GNAS: variants seen among roughly 807,000 people sequenced by gnomAD.
GNAS encodes protein ALEX.
In GNAS, 8 loss-of-function variants were observed where a neutral mutation model predicts 54.5. That is an observed-to-expected ratio of 0.15 (90% CI 0.09 to 0.26). GNAS has a LOEUF of 0.26. Ranked by LOEUF, GNAS falls within the 10% of genes least tolerant of loss-of-function variation. The probability of loss-of-function intolerance (pLI) is 1.00; values close to 1 mark genes in which losing one functional copy is unlikely to be tolerated. For synonymous variants in GNAS, 204 were observed against 191.4 expected, an observed-to-expected ratio of 1.07 and a Z score of -0.54; for missense variants, 170 against 529.8, an observed-to-expected ratio of 0.32 and a Z score of 6.67.
chr20:58,855,012 G>T, intron 1 of GNAS: 1 of 1,612,844 alleles, frequency 6.2e-7, no homozygotes, highest in Non-Finnish European at 8.5e-7. Flanking sequence ...CGAGTCCGAC[G>T]ATGGGACCTC....
At position 58,841,369 on chromosome 20, in the gene GNAS, A is replaced by C. The variant is rs1412097949; in HGVS notation, c.43+483A>C. On this transcript the variant is annotated intron_variant, in intron 1 of 12. Coordinates refer to the GNAS transcript ENST00000306090. The surrounding 1 kb of genome is among the most constrained non-coding windows in gnomAD (Gnocchi z 5.0). ...CAGCCGCGCTGTAGAGACACCGTTGAAATGTGCGGAAAGTAATCTGAATGG... is the reference window on the plus strand; with the variant it reads ...CAGCCGCGCTGTAGAGACACCGTTGCAATGTGCGGAAAGTAATCTGAATGG... The C allele has an allele frequency of 9.8e-7, 1 of 1,024,478 alleles. No individual in the cohort carries two copies. Among genetic ancestry groups the C allele is most frequent in the African/African-American group, 1.7e-5 (1 of 58,060 alleles). 63.5% of individuals were successfully genotyped at this position (1,024,478 alleles called of 1,614,324 possible).
At chr20:58,849,387 A>G (rs990604994) in intron 1 of GNAS, among the ~76,000 whole-genome samples, 23 of 152,186 alleles carry the variant, frequency 1.5e-4, no homozygotes, top group African/African-American at 5.3e-4. Context: ...CAGTGCGCCA[A>G]TTGTTCAAGA....
At chr20:58,887,592 A>G (rs1036842098), upstream of GNAS, among the ~76,000 whole-genome samples, 1 of 152,188 alleles carries the variant, frequency 6.6e-6, no homozygotes, top group African/African-American at 2.4e-5. Flanking sequence ...AAAAGCATCA[A>G]CCTAGGATAG....
At chr20:58,847,974 G>A (rs1025086829) in intron 1 of GNAS, among the ~76,000 whole-genome samples, 2 of 152,206 alleles carry the variant, frequency 1.3e-5, no homozygotes, top group Admixed American at 6.5e-5. Context: ...CATCACGTGC[G>A]GCTTCCAAGG....
chr20:58,908,054 T>C (rs2091200572), intron 6 of GNAS, among the ~76,000 whole-genome samples: 1 of 152,214 alleles, frequency 6.6e-6, no homozygotes, highest in Non-Finnish European at 1.5e-5. Context: ...GTAAGATTGA[T>C]TGGGCAAGTT....
In GNAS at chr20:58,905,445, C is replaced by T. The variant is rs2146210460; in HGVS notation, c.495C>T (p.Arg165=). 6.2e-7 allele frequency: 1 copy of T among 1,607,556 alleles called. No individual in the cohort carries two copies. Among genetic ancestry groups the T allele is most frequent in the Non-Finnish European group, 8.5e-7 (1 of 1,173,934 alleles). Residue 165 remains arginine (R), a synonymous_variant, in exon 6 of 13, where the codon CGC becomes CGT. Transcript: ENST00000371085. Reference sequence around the variant, plus strand: ...AAGGAGTGCGTGCCTGCTACGAACGCTCCAACGAGTACCAGCTGATTGACT... The same window carrying T: ...AAGGAGTGCGTGCCTGCTACGAACGTTCCAACGAGTACCAGCTGATTGACT... The part of the protein sequence containing the change: ...EDEGVRACYE[R]SNEYQLIDCA...
rs1424136000 is a variant in GNAS at position 58,857,673 on chromosome 20, TGGA to T, written c.43+16792_43+16794del. 6.6e-6 allele frequency among the ~76,000 whole-genome samples: 1 copy of T among 152,000 alleles called. No individual in the cohort carries two copies. Among genetic ancestry groups the T allele is most frequent in the African/African-American group, 2.4e-5 (1 of 41,378 alleles). On this transcript the variant is annotated intron_variant, in intron 1 of 12. Transcript: ENST00000306090. The surrounding 1 kb of genome is among the most constrained non-coding windows in gnomAD (Gnocchi z 4.1). The stretch of plus-strand genomic sequence containing the variant: ...TTCTATTCTTCCTGGAGGTGGGGGG[TGGA>T]GGAGACACAGTCTACTTACATCAGG...
At chr20:58,851,232 C>T (rs996631508) in intron 1 of GNAS, among the ~76,000 whole-genome samples, 4 of 152,320 alleles carry the variant, frequency 2.6e-5, no homozygotes, top group East Asian at 1.9e-4. Context: ...GCTGCGTGGC[C>T]ACATGGATGG....
At chr20:58,901,639 G>A (rs2146131831) in intron 3 of GNAS, among the ~76,000 whole-genome samples, 2 of 150,274 alleles carry the variant, frequency 1.3e-5, no homozygotes, top group East Asian at 4.0e-4. Flanking sequence ...ATGTAGAAGA[G>A]CAGTGGTGCA....
upstream of GNAS, among the ~76,000 whole-genome samples, chr20:58,887,108 G>T (rs2088643148): frequency 6.6e-6 from 1 of 152,220 alleles, no homozygotes; most frequent in Non-Finnish European, 1.5e-5. Flanking sequence ...AAAGGGGAAG[G>T]TGGTAATGGA....
At chr20:58,849,739 C>G (rs990485523) in intron 1 of GNAS, among the ~76,000 whole-genome samples, 1 of 152,156 alleles carries the variant, frequency 6.6e-6, no homozygotes, top group South Asian at 2.1e-4. Context: ...CTTTGGGACC[C>G]CTCTTGAGTG....
intron 6 of GNAS, 47 bp downstream of exon 6, chr20:58,905,527 C>A (rs757126308): frequency 9.9e-7 from 1 of 1,013,154 alleles, no homozygotes; most frequent in Non-Finnish European, 1.6e-6. Context: ...CAGACAAAAA[C>A]AAGAAAACAT....
At chr20:58,852,497 G>A (rs2086220052) in intron 1 of GNAS, among the ~76,000 whole-genome samples, 1 of 152,202 alleles carries the variant, frequency 6.6e-6, no homozygotes, top group South Asian at 2.1e-4. Flanking sequence ...AGGGGCTTGA[G>A]ATCCGGGGCT....
chr20:58,901,856 T>C (rs2090634350), intron 3 of GNAS, among the ~76,000 whole-genome samples: 1 of 102,028 alleles, frequency 9.8e-6, no homozygotes, highest in African/African-American at 3.9e-5. Flanking sequence ...CCACCCCTGC[T>C]GCTCCACTGA....
chr20:58,868,946 GC>G (rs1437096406), intron 1 of GNAS, among the ~76,000 whole-genome samples: 1 of 152,154 alleles, frequency 6.6e-6, no homozygotes, highest in Non-Finnish European at 1.5e-5. Context: ...TCACCCTTGC[GC>G]CGGCGCCTAA....
At chr20:58,850,979 C>A in intron 1 of GNAS, 1 of 398,672 alleles carries the variant, frequency 2.5e-6, no homozygotes, top group East Asian at 3.6e-5. Context: ...ATTGGCATGA[C>A]CCCTGCCCAA....
intron 1 of GNAS, among the ~76,000 whole-genome samples, chr20:58,894,770 A>T (rs1384131703): frequency 6.6e-6 from 1 of 152,184 alleles, no homozygotes; most frequent in Non-Finnish European, 1.5e-5. Context: ...TCCCAGGGAT[A>T]GTTTTCCTTT....
chr20:58,855,405 G>C (rs2086434459), intron 1 of GNAS: 11 of 1,366,764 alleles, frequency 8.0e-6, no homozygotes, highest in Non-Finnish European at 1.0e-5. Flanking sequence ...AGGGCTGCCT[G>C]GTGGGGCTAG....
At chr20:58,903,050 A>C (rs1018612192) in intron 3 of GNAS, 1 of 307,716 alleles carries the variant, frequency 3.2e-6, no homozygotes, top group African/African-American at 2.2e-5. Flanking sequence ...GTAATGAACT[A>C]TTATAAACAC....
Sources: allele counts gnomAD v4.1 joint callset (sites outside exome capture counted in the v4.1 genomes callset), GRCh38; gene constraint gnomAD v4.1.1; non-coding constraint Gnocchi (gnomAD v3.1); transcripts MANE v1.5; gene names NCBI Gene and HGNC (gene_info 2026-07-23, HGNC 2026-07-21).